Variants in SNAP25 observed in about 807,000 individuals in gnomAD.
The protein encoded by SNAP25 is synaptosome associated protein 25, also known as synaptosomal-associated protein 25.
A neutral mutation model predicts 28.7 loss-of-function variants in SNAP25; 3 were observed. The ratio of observed to expected loss-of-function variants is 0.10; its 90% CI spans 0.05 to 0.27. SNAP25 has a LOEUF of 0.27. SNAP25 is among the 10% of genes least tolerant of loss of function. The pLI is 1.00. For synonymous variants in SNAP25, 61 were observed against 88.1 expected, an observed-to-expected ratio of 0.69 and a Z score of 1.72; for missense variants, 117 against 278.7, an observed-to-expected ratio of 0.42 and a Z score of 4.13.
chr20:10,251,886 G>T (rs1168742260), intron 1 of SNAP25, among the ~76,000 whole-genome samples: 1 of 152,188 alleles, frequency 6.6e-6, no homozygotes, highest in East Asian at 1.9e-4. Context: ...TCAAATCTGG[G>T]GAGATGGAAA....
At chr20:10,263,007 C>CTTTT (rs1568598968) in intron 1 of SNAP25, among the ~76,000 whole-genome samples, 16 of 77,882 alleles carry the variant, frequency 2.1e-4, no homozygotes, top group East Asian at 3.2e-4. Flanking sequence ...CCCTGGGGTG[C>CTTTT]TCTTTTTTTT....
At chr20:10,303,616 C>G (rs2064291361) in intron 7 of SNAP25, among the ~76,000 whole-genome samples, 1 of 152,092 alleles carries the variant, frequency 6.6e-6, no homozygotes, top group Non-Finnish European at 1.5e-5. Flanking sequence ...TTGGTTTCCC[C>G]ACACTGCCTG....
intron 1 of SNAP25, among the ~76,000 whole-genome samples, chr20:10,250,440 A>T (rs746949300): frequency 9.2e-5 from 14 of 152,206 alleles, no homozygotes; most frequent in Non-Finnish European, 1.9e-4. Flanking sequence ...CACATTAGTC[A>T]AGCCCTGCAA....
At chr20:10,236,406 G>A (rs1362302298) in intron 1 of SNAP25, among the ~76,000 whole-genome samples, 1 of 147,992 alleles carries the variant, frequency 6.8e-6, no homozygotes, top group African/African-American at 2.7e-5. Flanking sequence ...GGGTGGAGCA[G>A]GAGGGGATCA....
At chr20:10,298,468 A>G (rs2064161957) in intron 6 of SNAP25, among the ~76,000 whole-genome samples, 1 of 152,198 alleles carries the variant, frequency 6.6e-6, no homozygotes, top group South Asian at 2.1e-4. Context: ...AAATTCTGAA[A>G]TAAGTACCTC....
intron 7 of SNAP25, among the ~76,000 whole-genome samples, chr20:10,301,884 TA>T (rs2064247213): frequency 6.9e-6 from 1 of 144,104 alleles, no homozygotes; most frequent in African/African-American, 2.6e-5. Flanking sequence ...ATATATAATA[TA>T]TATATTATAT....
rs777212434 is a variant in SNAP25 at position 10,299,331 on chromosome 20, C to T, written c.471C>T (p.Ile157=). 7.2e-5 allele frequency: 117 copies of T among 1,613,870 alleles called. No individual in the cohort carries two copies. Among genetic ancestry groups the T allele is most frequent in the South Asian group, 1.9e-4 (17 of 91,058 alleles). ...DENLEQVSGI[I]GNLRHMALDM... The stretch of plus-strand genomic sequence containing the variant: ...ACCTAGAGCAGGTGAGCGGCATCAT[C>T]GGGAACCTCCGTCACATGGCCCTGG... Residue 157 remains isoleucine, a synonymous_variant, in exon 7 of 8, where the codon ATC becomes ATT. Transcript: ENST00000254976.
intron 6 of SNAP25, among the ~76,000 whole-genome samples, chr20:10,298,676 C>T (rs752912989): frequency 6.6e-6 from 1 of 152,126 alleles, no homozygotes; most frequent in Non-Finnish European, 1.5e-5. Flanking sequence ...TCATCTTGAA[C>T]AAGTAGCTCT....
intron 1 of SNAP25, among the ~76,000 whole-genome samples, chr20:10,229,575 A>T (rs891697212): frequency 2.6e-4 from 39 of 152,200 alleles, no homozygotes; most frequent in Non-Finnish European, 2.9e-5. Flanking sequence ...ATGACTTCAA[A>T]TTCTGCTTTG....
chr20:10,282,493 C>T (rs935662840), intron 3 of SNAP25, among the ~76,000 whole-genome samples: 4 of 152,152 alleles, frequency 2.6e-5, no homozygotes, highest in Non-Finnish European at 5.9e-5. Flanking sequence ...AAATTAGTTG[C>T]GTGAATCATT....
At chr20:10,299,241 T>G (rs1397154728) in intron 6 of SNAP25, 27 bp from the exon 7 acceptor site, 1 of 1,612,048 alleles carries the variant, frequency 6.2e-7, no homozygotes, top group Admixed American at 1.7e-5. Flanking sequence ...ACCCTCTGTC[T>G]TCTAAAACTT....
chr20:10,254,714 C>T (rs564567110), intron 1 of SNAP25, among the ~76,000 whole-genome samples: 2 of 152,232 alleles, frequency 1.3e-5, no homozygotes, highest in Non-Finnish European at 2.9e-5. Context: ...ACAGGCCTTG[C>T]GGTAAATGGA....
At chr20:10,238,905 A>AATAATAATAATAATAAT (rs2062971872) in intron 1 of SNAP25, among the ~76,000 whole-genome samples, 8 of 149,344 alleles carry the variant, frequency 5.4e-5, no homozygotes, top group African/African-American at 2.0e-4. Flanking sequence ...ACTCCGTTTC[A>AATAATAATAATAATAAT]AATAATAATA....
At chr20:10,223,341 A>G (rs1409645369) in intron 1 of SNAP25, among the ~76,000 whole-genome samples, 1 of 152,196 alleles carries the variant, frequency 6.6e-6, no homozygotes, top group Admixed American at 6.5e-5. Context: ...TTGCTAAGCC[A>G]AAATAGTCAG....
chr20:10,238,224 G>T (rs759183708), intron 1 of SNAP25, among the ~76,000 whole-genome samples: 19 of 152,190 alleles, frequency 1.2e-4, no homozygotes, highest in Non-Finnish European at 2.4e-4. Context: ...GCATTCTAGT[G>T]GGGAAGGAAT....
At position 10,282,301 on chromosome 20, in the gene SNAP25, G is replaced by C. The variant is rs73077417; in HGVS notation, c.115-2423G>C. ...CCACTCAATCTTTTCAATCTTACTC[G>C]GCATCCCTATCCTTATCTTAAACGT... On this transcript the variant is annotated intron_variant, in intron 3 of 7. Transcript: ENST00000254976. 5.1e-4 allele frequency among the ~76,000 whole-genome samples: 77 copies of C among 152,052 alleles called. 1 individual carries two copies. Among genetic ancestry groups the C allele is most frequent in the East Asian group, 1.4e-3 (7 of 5,172 alleles).
At chr20:10,266,316 T>C (rs758184038) in intron 1 of SNAP25, among the ~76,000 whole-genome samples, 1 of 152,232 alleles carries the variant, frequency 6.6e-6, no homozygotes, top group Non-Finnish European at 1.5e-5. Context: ...TTGCATTCTC[T>C]TCAAGAAATT....
intron 3 of SNAP25, among the ~76,000 whole-genome samples, chr20:10,282,190 AGG>A (rs1568614863): frequency 8.1e-5 from 12 of 148,854 alleles, no homozygotes; most frequent in Non-Finnish European, 1.5e-4. Context: ...GAAGGAAGGA[AGG>A]AAGGAAGGAA....
chr20:10,293,205 G>T lies in SNAP25; in HGVS notation c.208G>T (p.Asp70Tyr). 6.2e-7 allele frequency: 1 copy of T among 1,614,080 alleles called. No homozygotes were observed. The highest frequency in any genetic ancestry group is 8.5e-7 in the Non-Finnish European group (1 of 1,180,016). The change falls in exon 5 of 8, where the codon GAC (aspartate) becomes TAC (tyrosine). Residue 70 changes from aspartate to tyrosine, a missense_variant. Around this residue, in one of 3 missense-constraint regions of SNAP25, gnomAD observed 88 missense variants for 206.9 expected, o/e 0.43. Coordinates refer to ENST00000254976, the MANE Select transcript of SNAP25 (RefSeq NM_130811.4). The surrounding 1 kb of genome is among the most constrained non-coding windows in gnomAD (Gnocchi z 5.6). Reference protein sequence around the residue: ...IEEGMDQINKDMKEAEKNLTD... With the variant: ...IEEGMDQINKYMKEAEKNLTD... ...GGAAGGGATGGACCAAATCAATAAG[G>T]ACATGAAAGAAGCAGAAAAGAATTT...
Sources: gnomAD v4.1 joint callset for allele counts (sites outside exome capture counted in the v4.1 genomes callset) on GRCh38, gnomAD v4.1.1 for gene constraint, gnomAD v4.1.1 regional missense constraint, Gnocchi (gnomAD v3.1) non-coding constraint, MANE v1.5 for transcripts, NCBI Gene and HGNC (gene_info 2026-07-23, HGNC 2026-07-21) for gene names.